LUC7L3: variants seen among roughly 807,000 people sequenced by gnomAD.
LUC7L3 encodes luc7-like protein 3.
In LUC7L3, 6 loss-of-function variants were observed where a neutral mutation model predicts 66.8. The ratio of observed to expected loss-of-function variants is 0.09; its 90% CI spans 0.05 to 0.18. LUC7L3 has a LOEUF of 0.18. Ranked by LOEUF, LUC7L3 falls within the 10% of genes least tolerant of loss-of-function variation. LUC7L3 has a pLI of 1.00. For missense variants in LUC7L3, 341 were observed against 531.1 expected, an observed-to-expected ratio of 0.64 and a Z score of 3.52; for synonymous variants, 160 against 174.7, an observed-to-expected ratio of 0.92 and a Z score of 0.66.
In LUC7L3 at chr17:50,744,781, G is replaced by A; in HGVS notation, c.661G>A (p.Ala221Thr). The change falls in exon 7 of 10, where the codon GCC becomes ACC. Residue 221 changes from alanine (A) to threonine (T), a missense_variant. Ala to Thr is a moderately conservative substitution (Grantham distance 58, BLOSUM62 0). This residue lies in a region of LUC7L3 where 17 missense variants were observed against 48.2 expected (regional missense o/e 0.35). Coordinates refer to ENST00000505658, the MANE Select transcript of LUC7L3 (RefSeq NM_016424.5). The stretch of plus-strand genomic sequence containing the variant: ...GATGGGAAAACAACACATGGGCTAT[G>A]CCAAAATTAAAGCTACTGTAGAAGA... ...HLMGKQHMGY[A>T]KIKATVEELK... The A allele has an allele frequency of 1.2e-6, 2 of 1,612,646 alleles. No individual in the cohort carries two copies. The highest frequency in any genetic ancestry group is 1.1e-5 in the South Asian group (1 of 90,680).
chr17:50,747,857 T>TG (rs1970774778), intron 9 of LUC7L3, among the ~76,000 whole-genome samples: 2 of 152,366 alleles, frequency 1.3e-5, no homozygotes, highest in South Asian at 4.1e-4. Context: ...TGCTAGTGTT[T>TG]GCCATTCAAG....
intron 1 of LUC7L3, 138 bp downstream of exon 1, chr17:50,719,969 C>T: frequency 1.4e-6 from 1 of 717,466 alleles, no homozygotes; most frequent in East Asian, 3.0e-5. Context: ...GCCCATGGAG[C>T]CAGGAGGGAG....
In LUC7L3 at chr17:50,755,227, C is replaced by A. The variant is rs781383493; in HGVS notation, c.*4566C>A. On this transcript the variant is annotated 3_prime_UTR_variant, in exon 10 of 10. Coordinates refer to ENST00000505658, the MANE Select transcript of LUC7L3 (RefSeq NM_016424.5). ...TCAGTGATCTATGTCTCCTACTACTCCTATTTCTCTGTTTTTCCTCTGCAG... is the reference window on the plus strand; with the variant it reads ...TCAGTGATCTATGTCTCCTACTACTACTATTTCTCTGTTTTTCCTCTGCAG... The A allele has an allele frequency of 7.9e-5, 12 of 152,194 alleles. No homozygotes were observed. Among genetic ancestry groups the A allele is most frequent in the Non-Finnish European group, 1.2e-4 (8 of 68,002 alleles). 9.4% of individuals were successfully genotyped at this position (152,194 alleles called of 1,614,324 possible).
At chr17:50,720,475 A>G (rs1343217310) in intron 1 of LUC7L3, among the ~76,000 whole-genome samples, 1 of 152,234 alleles carries the variant, frequency 6.6e-6, no homozygotes, top group Non-Finnish European at 1.5e-5. Flanking sequence ...CCCCAGTTTC[A>G]CTGGTGAGAC....
At chr17:50,747,264 A>T (rs1218152936) in intron 9 of LUC7L3, among the ~76,000 whole-genome samples, 5 of 125,414 alleles carry the variant, frequency 4.0e-5, no homozygotes, top group Non-Finnish European at 8.2e-5. Flanking sequence ...GCATCCCAGT[A>T]GCTGATTTAC....
chr17:50,723,802 AATTTTTGT>A (rs1489475348), intron 1 of LUC7L3: 4 of 339,644 alleles, frequency 1.2e-5, no homozygotes, highest in Non-Finnish European at 2.4e-5. Context: ...ACGCCCGGCT[AATTTTTGT>A]ATTTTTAGTC....
chr17:50,750,041 T>C (rs755640801), intron 9 of LUC7L3, among the ~76,000 whole-genome samples: 3 of 152,336 alleles, frequency 2.0e-5, no homozygotes, highest in Non-Finnish European at 2.9e-5. Flanking sequence ...ATGTTTTGCA[T>C]TGAAAAATAT....
rs1263546642 is a variant in LUC7L3 at position 50,754,274 on chromosome 17, T to C, written c.*3613T>C. 1.3e-5 allele frequency: 2 copies of C among 152,038 alleles called. No homozygotes were observed. Among genetic ancestry groups the C allele is most frequent in the Non-Finnish European group, 2.9e-5 (2 of 68,004 alleles). 9.4% of individuals were successfully genotyped at this position (152,038 alleles called of 1,614,324 possible). On this transcript the variant is annotated 3_prime_UTR_variant, in exon 10 of 10. Transcript: ENST00000505658. ...ACTTTATTTTGGAAATTTAAAGACATACACAAAAGAGGAACAATATAATTA... is the reference window on the plus strand; with the variant it reads ...ACTTTATTTTGGAAATTTAAAGACACACACAAAAGAGGAACAATATAATTA...
At chr17:50,723,288 C>T (rs1444801948) in intron 1 of LUC7L3, 1 of 152,208 alleles carries the variant, frequency 6.6e-6, no homozygotes, top group Admixed American at 6.5e-5. Flanking sequence ...CAAGCCTACC[C>T]TTCCTTCCAT....
At chr17:50,732,696 A>G (rs1295972172) in intron 1 of LUC7L3, among the ~76,000 whole-genome samples, 1 of 151,572 alleles carries the variant, frequency 6.6e-6, no homozygotes, top group African/African-American at 2.4e-5. Context: ...TCCTTTTTTA[A>G]TACTATGAAG....
intron 1 of LUC7L3, chr17:50,723,111 A>T (rs1465894798): frequency 6.6e-6 from 1 of 152,208 alleles, no homozygotes; most frequent in Non-Finnish European, 1.5e-5. Context: ...ATTGTAGTAA[A>T]TTGTAAAGTC....
intron 8 of LUC7L3, 84 bp from the exon 9 acceptor site, chr17:50,746,458 T>G: frequency 8.1e-7 from 1 of 1,233,948 alleles, no homozygotes; most frequent in Non-Finnish European, 1.1e-6. Flanking sequence ...TTTTGCCTAG[T>G]CTTGTTAATT....
chr17:50,753,435 A>T lies in LUC7L3; in HGVS notation c.*2774A>T, dbSNP rs1971052855. On this transcript the variant is annotated 3_prime_UTR_variant, in exon 10 of 10. Transcript: ENST00000505658. ...AATAGGCATAATGAATTGTTAAAGA[A>T]TTTACTAAAATCTCTTCCACCAAAC... The T allele has an allele frequency of 6.6e-6, 1 of 152,536 alleles. No homozygotes were observed. The highest frequency in any genetic ancestry group is 2.1e-4 in the South Asian group (1 of 4,830). The allele number at this position is 152,536 out of a possible 1,614,324, so 9.4% of individuals were successfully genotyped here.
At chr17:50,746,842 G>GTCT in intron 9 of LUC7L3, 140 bp downstream of exon 9, 1 of 622,108 alleles carries the variant, frequency 1.6e-6, no homozygotes, top group Non-Finnish European at 2.6e-6. Context: ...GTAGGAGACA[G>GTCT]GCATTCTTTC....
At chr17:50,732,116 T>C (rs141889760) in intron 1 of LUC7L3, among the ~76,000 whole-genome samples, 1 of 152,310 alleles carries the variant, frequency 6.6e-6, no homozygotes, top group African/African-American at 2.4e-5. Flanking sequence ...TAATTACTTA[T>C]GGGCAGGATT....
In LUC7L3 at chr17:50,741,006, A is replaced by G; in HGVS notation, c.207-96A>G. On this transcript the variant is annotated intron_variant, in intron 3 of 9. Transcript: ENST00000505658. ...ATACACCTGGTTTACCCTGCAGCCT[A>G]AATGGAATAGTCGTTGAGGCTAGTT... is the stretch of plus-strand genomic sequence containing the variant. The G allele has an allele frequency of 3.3e-6, 4 of 1,206,884 alleles. No homozygotes were observed. The South Asian group carries it at 5.1e-5, about 15-fold the overall frequency. The allele number at this position is 1,206,884 out of a possible 1,614,324, so 74.8% of individuals were successfully genotyped here. A position where few individuals can be genotyped will look rare whatever the true frequency, so the allele number is the denominator to read the frequency against.
rs200304139 is a variant in LUC7L3 at position 50,750,575 on chromosome 17, A to C, written c.1213A>C (p.Thr405Pro). ...AGAAAAGCAGAGTGAAGACACAAACACTGAATCGAAGGAAAGTGATACTAA... is the reference window on the plus strand; with the variant it reads ...AGAAAAGCAGAGTGAAGACACAAACCCTGAATCGAAGGAAAGTGATACTAA... Reference protein sequence around the residue: ...SREKQSEDTNTESKESDTKNE... With the variant: ...SREKQSEDTNPESKESDTKNE... Residue 405 changes from threonine to proline, a missense_variant, in exon 10 of 10, where the codon ACT (threonine) becomes CCT (proline). Around this residue, in one of 6 missense-constraint regions of LUC7L3, gnomAD observed 210 missense variants for 238.1 expected, o/e 0.88. Coordinates refer to ENST00000505658, the MANE Select transcript of LUC7L3 (RefSeq NM_016424.5). 125 of 1,614,020 alleles carry C rather than the reference A, an allele frequency of 7.7e-5. No homozygotes were observed. In the Middle Eastern group the frequency reaches 1.3e-3, roughly 17 times the overall value.
At position 50,756,128 on chromosome 17, in the gene LUC7L3, C is replaced by CTG. The variant is rs920793234; in HGVS notation, c.*5470_*5471dup. The CTG allele has an allele frequency of 1.3e-5, 2 of 152,160 alleles. No individual in the cohort carries two copies. The highest frequency in any genetic ancestry group is 6.5e-5 in the Admixed American group (1 of 15,272). The allele number at this position is 152,160 out of a possible 1,614,324, so 9.4% of individuals were successfully genotyped here. On this transcript the variant is annotated 3_prime_UTR_variant, in exon 10 of 10. Coordinates refer to ENST00000505658, the MANE Select transcript of LUC7L3 (RefSeq NM_016424.5). The stretch of plus-strand genomic sequence containing the variant: ...ACTGGTGAGGGTCTGTTTCTGAAGC[C>CTG]TGTGGGCATTTCCTTTTTTAATCTG...
At chr17:50,723,860 C>T (rs1383721550) in intron 1 of LUC7L3, 1 of 399,554 alleles carries the variant, frequency 2.5e-6, no homozygotes, top group Non-Finnish European at 5.1e-6. Context: ...GTCTTGAACT[C>T]CTGACCTCAA....
Sources: allele counts gnomAD v4.1 joint callset (sites outside exome capture counted in the v4.1 genomes callset), GRCh38; gene constraint gnomAD v4.1.1; regional missense constraint gnomAD v4.1.1; transcripts MANE v1.5; gene names NCBI Gene and HGNC (gene_info 2026-07-23, HGNC 2026-07-21).